HACL1: variants seen among roughly 807,000 people sequenced by gnomAD.
HACL1 encodes 1600020H07Rik.
Under a neutral mutation model 74.2 loss-of-function variants are expected in HACL1, and 64 were observed. The ratio of observed to expected loss-of-function variants is 0.86; its 90% CI spans 0.70 to 1.06. The LOEUF (loss-of-function observed/expected upper bound fraction) is 1.06. HACL1 is among the 50% of genes least tolerant of loss of function. The probability of loss-of-function intolerance (pLI) is 0.00; values close to 1 mark genes in which losing one functional copy is unlikely to be tolerated. For synonymous variants in HACL1, 230 were observed against 238.8 expected (o/e 0.96, Z 0.34); for missense variants, 728 against 719.7 (o/e 1.01, Z -0.13).
chr3:15,562,284 C>T (rs1266093625), intron 16 of HACL1, among the ~76,000 whole-genome samples: 1 of 152,154 alleles, frequency 6.6e-6, no homozygotes, highest in East Asian at 1.9e-4. Context: ...CCACAGAAAT[C>T]CCTGCTAATG....
intron 13 of HACL1, 41 bp from the exon 14 acceptor site, chr3:15,568,043 G>A: frequency 6.3e-7 from 1 of 1,580,652 alleles, no homozygotes; most frequent in Non-Finnish European, 8.7e-7. Context: ...TCTGGGGCAT[G>A]TCATAGAGGA....
At chr3:15,592,166 A>G (rs1374606646) in intron 3 of HACL1, among the ~76,000 whole-genome samples, 1 of 150,138 alleles carries the variant, frequency 6.7e-6, no homozygotes, top group Non-Finnish European at 1.5e-5. Flanking sequence ...ATATACGTAT[A>G]CATGCATGTA....
At chr3:15,570,425 T>G (rs141726948) in intron 12 of HACL1, among the ~76,000 whole-genome samples, 2 of 151,948 alleles carry the variant, frequency 1.3e-5, no homozygotes, top group African/African-American at 4.8e-5. Flanking sequence ...TGTGAATTTA[T>G]TCTAAGACAA....
intron 10 of HACL1, 85 bp from the exon 11 acceptor site, chr3:15,573,327 G>C: frequency 1.3e-6 from 1 of 776,084 alleles, no homozygotes. Flanking sequence ...TAAATGAACT[G>C]TGTATATAGA....
At chr3:15,597,063 T>C (rs572288154) in intron 2 of HACL1, among the ~76,000 whole-genome samples, 1 of 152,314 alleles carries the variant, frequency 6.6e-6, no homozygotes, top group East Asian at 1.9e-4. Flanking sequence ...CTACTTTCCA[T>C]TGTGATTTCT....
At chr3:15,589,705 G>T in intron 4 of HACL1, 93 bp from the exon 5 acceptor site, 1 of 803,670 alleles carries the variant, frequency 1.2e-6, no homozygotes, top group Non-Finnish European at 2.1e-6. Flanking sequence ...AATAATAAAT[G>T]TTAAAGGGAG....
rs1223200652 is a variant in HACL1, at chr3:15,601,413, A to G, written c.51T>C (p.Ala17=). ...AERSEEQVSG[A]KVIAQALKTQ... ...TTTTCAGGGCCTGAGCGATGACTTT[A>G]GCACCAGACACCTGCTCCTCGCTGC... is the stretch of plus-strand genomic sequence containing the variant. Residue 17 remains alanine, a synonymous_variant, in exon 1 of 17, where the codon GCT becomes GCC. Transcript: ENST00000321169. 1 of 1,613,960 alleles carries G rather than the reference A, an allele frequency of 6.2e-7. No homozygotes were observed. The highest frequency in any genetic ancestry group is 8.5e-7 in the Non-Finnish European group (1 of 1,180,056).
chr3:15,567,289 C>T (rs984041307), intron 14 of HACL1, among the ~76,000 whole-genome samples: 6 of 146,856 alleles, frequency 4.1e-5, no homozygotes, highest in Non-Finnish European at 7.4e-5. Context: ...CAGCTCACTG[C>T]AACCTCCACT....
Position 15,591,618 on chromosome 3 carries a change from T to C in HACL1, c.290A>G (p.Asn97Ser). The C allele has an allele frequency of 6.2e-7, 1 of 1,606,694 alleles. No individual in the cohort carries two copies. The highest frequency in any genetic ancestry group is 8.5e-7 in the Non-Finnish European group (1 of 1,173,460). ...TCATTACCAGCAGTTCATGTTTGCA[T>C]TTGCCATACCGCCCAAGGCATGGAT... ...GLIHALGGMA[N>S]ANMNCWPLLV... The change falls in exon 4 of 17, where the codon AAT becomes AGT. Residue 97 changes from asparagine (N) to serine (S), a missense_variant. Transcript: ENST00000321169.
At chr3:15,566,657 A>G (rs78259194) in intron 14 of HACL1, among the ~76,000 whole-genome samples, 4 of 144,792 alleles carry the variant, frequency 2.8e-5, no homozygotes, top group Non-Finnish European at 6.0e-5. Context: ...CCCCATCTTG[A>G]AAAAAAAAAA....
At chr3:15,597,918 T>G (rs970746459) in intron 2 of HACL1, among the ~76,000 whole-genome samples, 1 of 152,152 alleles carries the variant, frequency 6.6e-6, no homozygotes, top group African/African-American at 2.4e-5. Context: ...TGCTAGGCAA[T>G]GCAAAATATA....
intron 15 of HACL1, among the ~76,000 whole-genome samples, chr3:15,564,074 C>T (rs1394330167): frequency 6.6e-6 from 1 of 152,222 alleles, no homozygotes; most frequent in African/African-American, 2.4e-5. Flanking sequence ...CACCCCAAGG[C>T]TGGCTCACAA....
chr3:15,588,204 T>C (rs571548374), intron 5 of HACL1, among the ~76,000 whole-genome samples: 1 of 152,296 alleles, frequency 6.6e-6, no homozygotes, highest in Admixed American at 6.5e-5. Context: ...GTCTAATGAT[T>C]TTAACTTTGT....
At chr3:15,571,198 C>G (rs1459493280) in intron 12 of HACL1, among the ~76,000 whole-genome samples, 1 of 151,774 alleles carries the variant, frequency 6.6e-6, no homozygotes, top group Non-Finnish European at 1.5e-5. Flanking sequence ...TGGTCTCAAA[C>G]TCCAGGCCTC....
intron 10 of HACL1, among the ~76,000 whole-genome samples, chr3:15,574,179 G>A (rs1175431140): frequency 6.6e-6 from 1 of 152,132 alleles, no homozygotes; most frequent in Non-Finnish European, 1.5e-5. Flanking sequence ...GACCAGCCTG[G>A]GCAACATGGC....
chr3:15,595,292 T>C (rs1390452167), intron 3 of HACL1, among the ~76,000 whole-genome samples: 3 of 152,144 alleles, frequency 2.0e-5, no homozygotes, highest in Admixed American at 6.6e-5. Context: ...ACAGTGACAA[T>C]AGTGTTACTT....
intron 7 of HACL1, among the ~76,000 whole-genome samples, chr3:15,583,386 T>C (rs988231596): frequency 6.6e-6 from 1 of 152,236 alleles, no homozygotes; most frequent in Admixed American, 6.5e-5. Context: ...CTTTGTACTG[T>C]AGTAGCAGCA....
chr3:15,579,968 T>A lies in HACL1; in HGVS notation c.745A>T (p.Met249Leu). Reference protein sequence around the residue: ...QYKLPFLPTPMGKGVVPDNHP... With the variant: ...QYKLPFLPTPLGKGVVPDNHP... ...TTGTCAGGGACAACACCCTTCCCCA[T>A]AGGGGTGGGCAAAAATGGCAGTTTA... Residue 249 changes from methionine to leucine, a missense_variant, in exon 9 of 17, where the codon ATG becomes TTG. Met to Leu is a conservative substitution (Grantham distance 15). Coordinates refer to ENST00000321169, the MANE Select transcript of HACL1 (RefSeq NM_012260.4). 1 of 1,608,526 alleles carries A rather than the reference T, an allele frequency of 6.2e-7. No homozygotes were observed. Among genetic ancestry groups the A allele is most frequent in the African/African-American group, 1.3e-5 (1 of 74,946 alleles).
chr3:15,592,367 C>CACACACGTGT (rs2063939562), intron 3 of HACL1, among the ~76,000 whole-genome samples: 1 of 150,170 alleles, frequency 6.7e-6, no homozygotes, highest in African/African-American at 2.5e-5. Flanking sequence ...TATATGTATA[C>CACACACGTGT]ATACAGACAC....
Sources: allele counts gnomAD v4.1 joint callset (sites outside exome capture counted in the v4.1 genomes callset), GRCh38; gene constraint gnomAD v4.1.1; transcripts MANE v1.5; gene names NCBI Gene and HGNC (gene_info 2026-07-23, HGNC 2026-07-21).